IGF1R: variants seen among roughly 807,000 people sequenced by gnomAD.
IGF1R encodes the protein insulin like growth factor 1 receptor, also known as insulin-like growth factor 1 receptor.
Under a neutral mutation model 144.6 loss-of-function variants are expected in IGF1R, and 44 were observed. That is an observed-to-expected ratio of 0.30 (90% confidence interval 0.24 to 0.39). The LOEUF is 0.39. Ranked by LOEUF, IGF1R falls within the 10% of genes least tolerant of loss-of-function variation. The pLI, the probability that IGF1R is intolerant of heterozygous loss-of-function variation, is 1.00. For synonymous variants in IGF1R, 795 were observed against 722.8 expected (o/e 1.10, Z -1.60); for missense variants, 1,355 against 1,833.7 (o/e 0.74, Z 4.77).
rs146742657 is a variant in IGF1R at position 98,883,285 on chromosome 15, T to C, written c.641-8040T>C. Among the ~76,000 whole-genome samples, 383 of 152,332 alleles carry C rather than the reference T, an allele frequency of 2.5e-3. 2 individuals carry two copies. Among genetic ancestry groups the C allele is most frequent in the African/African-American group, 8.6e-3 (356 of 41,572 alleles). The stretch of plus-strand genomic sequence containing the variant: ...GTTGTTTTAAACTCTTCCTGGAATC[T>C]CTAGGCAGTGGCTCAGTGGGGTTTT... On this transcript the variant is annotated intron_variant, in intron 2 of 20. Transcript: ENST00000650285.
chr15:98,698,706 G>A (rs1283473168), intron 1 of IGF1R, among the ~76,000 whole-genome samples: 1 of 152,228 alleles, frequency 6.6e-6, no homozygotes, highest in African/African-American at 2.4e-5. Context: ...CCAAGAGGTA[G>A]CTGGTCTCTG....
intron 2 of IGF1R, among the ~76,000 whole-genome samples, chr15:98,840,480 C>A (rs1596348364): frequency 6.6e-6 from 1 of 152,250 alleles, no homozygotes; most frequent in African/African-American, 2.4e-5. Flanking sequence ...GATGGAGTCT[C>A]ACTCTGTCAC....
chr15:98,918,852 C>G (rs977666563), intron 10 of IGF1R, among the ~76,000 whole-genome samples: 83 of 152,030 alleles, frequency 5.5e-4, no homozygotes, highest in African/African-American at 1.9e-3. Flanking sequence ...GCACTCCAGC[C>G]TGGACAACAG....
chr15:98,953,245 A>G (rs1017818538), intron 20 of IGF1R: 54 of 152,250 alleles, frequency 3.5e-4, no homozygotes, highest in African/African-American at 1.2e-3. Context: ...CTCACCCCTC[A>G]GTGTCACCGA....
chr15:98,738,209 T>A (rs1298016966), intron 2 of IGF1R, among the ~76,000 whole-genome samples: 1 of 152,188 alleles, frequency 6.6e-6, no homozygotes, highest in African/African-American at 2.4e-5. Flanking sequence ...TTGGTCCCGT[T>A]GTAAGGCCAG....
chr15:98,792,015 C>T (rs1262987372), intron 2 of IGF1R, among the ~76,000 whole-genome samples: 2 of 152,204 alleles, frequency 1.3e-5, no homozygotes, highest in African/African-American at 4.8e-5. Flanking sequence ...TTAGACAATT[C>T]TCCCTGTTTG....
intron 1 of IGF1R, among the ~76,000 whole-genome samples, chr15:98,705,144 G>T (rs1318930551): frequency 6.6e-6 from 1 of 152,178 alleles, no homozygotes; most frequent in Non-Finnish European, 1.5e-5. Flanking sequence ...TCTGGATGAG[G>T]TGACAGAGGA....
At chr15:98,768,275 C>G (rs753520292) in intron 2 of IGF1R, among the ~76,000 whole-genome samples, 1 of 152,012 alleles carries the variant, frequency 6.6e-6, no homozygotes, top group Non-Finnish European at 1.5e-5. Flanking sequence ...GTTGGATGCC[C>G]TTTCTACACT....
At chr15:98,925,896 C>A (rs1213350077) in intron 13 of IGF1R, among the ~76,000 whole-genome samples, 2 of 151,622 alleles carry the variant, frequency 1.3e-5, no homozygotes, top group Non-Finnish European at 2.9e-5. Context: ...GAGCAGAACT[C>A]CATCTCAAGA....
intron 2 of IGF1R, among the ~76,000 whole-genome samples, chr15:98,736,024 C>T (rs1451902245): frequency 4.6e-5 from 7 of 152,154 alleles, no homozygotes; most frequent in African/African-American, 1.2e-4. Flanking sequence ...TACAGTACTG[C>T]CCTGAGGGGG....
chr15:98,748,139 TCTG>T (rs2054914691), intron 2 of IGF1R, among the ~76,000 whole-genome samples: 1 of 152,226 alleles, frequency 6.6e-6, no homozygotes, highest in African/African-American at 2.4e-5. Context: ...CATATTTACT[TCTG>T]CATGCACAAC....
chr15:98,719,425 T>C (rs1354935818), intron 2 of IGF1R, among the ~76,000 whole-genome samples: 1 of 152,186 alleles, frequency 6.6e-6, no homozygotes, highest in Admixed American at 6.5e-5. Context: ...CTCAGAAGAA[T>C]GCTTCTTTAG....
intron 10 of IGF1R, among the ~76,000 whole-genome samples, chr15:98,917,905 A>G (rs1364927079): frequency 1.3e-5 from 2 of 152,206 alleles, no homozygotes; most frequent in Non-Finnish European, 2.9e-5. Flanking sequence ...AATTTTTGGA[A>G]ATAGATAATG....
At chr15:98,798,051 T>G (rs1036549070) in intron 2 of IGF1R, among the ~76,000 whole-genome samples, 2 of 152,190 alleles carry the variant, frequency 1.3e-5, no homozygotes, top group Non-Finnish European at 2.9e-5. Flanking sequence ...GATTATTCGC[T>G]CCACAAATAT....
intron 2 of IGF1R, among the ~76,000 whole-genome samples, chr15:98,859,743 G>C (rs552265101): frequency 6.6e-6 from 1 of 152,272 alleles, no homozygotes; most frequent in East Asian, 1.9e-4. Flanking sequence ...GATTGATTTA[G>C]TTATAAGATG....
At chr15:98,929,499 A>G in intron 13 of IGF1R, 59 bp from the exon 14 acceptor site, 1 of 1,327,902 alleles carries the variant, frequency 7.5e-7, no homozygotes, top group Non-Finnish European at 1.1e-6. Context: ...ATGTGAAGAA[A>G]TGAAATGAGC....
Position 98,935,370 on chromosome 15 carries a change from C to T in IGF1R, c.3241C>T (p.Leu1081=). ...CCAGCCAACACTGGTCATCATGGAA[C>T]TGATGACACGGGGCGATCTCAAAAG... ...QGQPTLVIME[L]MTRGDLKSYL... The change falls in exon 17 of 21, where the codon CTG becomes TTG. Residue 1081 remains leucine, a synonymous_variant. Transcript: ENST00000650285. This position sits in a 1 kb window ranked among gnomAD's most constrained non-coding sequence, Gnocchi z 4.2. The T allele has an allele frequency of 6.4e-7, 1 of 1,551,394 alleles. No homozygotes were observed. The highest frequency in any genetic ancestry group is 8.7e-7 in the Non-Finnish European group (1 of 1,146,716).
chr15:98,774,965 A>T (rs1174671346), intron 2 of IGF1R, among the ~76,000 whole-genome samples: 1 of 152,210 alleles, frequency 6.6e-6, no homozygotes, highest in African/African-American at 2.4e-5. Flanking sequence ...TACGTAGCTC[A>T]GGAACCTGGA....
rs115852629 is a variant in IGF1R at position 98,877,329 on chromosome 15, T to C, written c.641-13996T>C. Among the ~76,000 whole-genome samples the C allele has an allele frequency of 8.7e-3, 1,316 of 151,986 alleles. 15 individuals carry two copies. The highest frequency in any genetic ancestry group is 0.03 in the African/African-American group (1,255 of 41,422). The stretch of plus-strand genomic sequence containing the variant: ...CAAACTTAAGATCCAAGGAAGAAAA[T>C]GGACCCAGGACACGAAGAGAAGTTA... On this transcript the variant is annotated intron_variant, in intron 2 of 20. Coordinates refer to ENST00000650285, the MANE Select transcript of IGF1R (RefSeq NM_000875.5).
Sources: gnomAD v4.1 joint callset for allele counts (sites outside exome capture counted in the v4.1 genomes callset) on GRCh38, gnomAD v4.1.1 for gene constraint, Gnocchi (gnomAD v3.1) non-coding constraint, MANE v1.5 for transcripts, NCBI Gene and HGNC (gene_info 2026-07-23, HGNC 2026-07-21) for gene names.